ZNF479: variants seen among roughly 807,000 people sequenced by gnomAD.
ZNF479 encodes the protein zinc finger protein 479.
Under a neutral mutation model 14.7 loss-of-function variants are expected in ZNF479, and 15 were observed. The ratio of observed to expected loss-of-function variants is 1.02; its 90% CI spans 0.68 to 1.57. ZNF479 has a LOEUF of 1.57. Ranked by LOEUF, ZNF479 falls within the 40% of genes most tolerant of loss-of-function variation. The probability of loss-of-function intolerance (pLI) is 0.00; values close to 1 mark genes in which losing one functional copy is unlikely to be tolerated. For synonymous variants in ZNF479, 145 were observed against 211.5 expected, an observed-to-expected ratio of 0.69 and a Z score of 2.73; for missense variants, 506 against 615.1, an observed-to-expected ratio of 0.82 and a Z score of 1.88.
chr7:57,123,762 G>A (rs970506128), intron 3 of ZNF479, among the ~76,000 whole-genome samples: 2 of 152,090 alleles, frequency 1.3e-5, no homozygotes, highest in African/African-American at 4.8e-5. Context: ...GAGTCCAAGA[G>A]GTTGAGGCTG....
rs187872952 is a variant in ZNF479 at position 57,118,771 on chromosome 7, T to C, written c.*1069A>G. Among the ~76,000 whole-genome samples, 1 of 152,360 alleles carries C rather than the reference T, an allele frequency of 6.6e-6. No homozygotes were observed. Among genetic ancestry groups the C allele is most frequent in the East Asian group, 1.9e-4 (1 of 5,188 alleles). ...TTGTACAATTTTTCTCTAGTATAAA[T>C]GCTTTCCTGTACCATAAGGTGTGAG... On this transcript the variant is annotated 3_prime_UTR_variant, in exon 4 of 4. Coordinates refer to ENST00000319636, the MANE Select transcript of ZNF479 (RefSeq NM_001370129.2).
intron 3 of ZNF479, among the ~76,000 whole-genome samples, chr7:57,122,711 C>T (rs1786004569): frequency 6.6e-6 from 1 of 151,982 alleles, no homozygotes; most frequent in South Asian, 2.1e-4. Flanking sequence ...ACAGAATCTC[C>T]AATGTAGCAC....
intron 3 of ZNF479, among the ~76,000 whole-genome samples, chr7:57,123,786 T>C (rs1336368801): frequency 5.3e-5 from 8 of 152,046 alleles, no homozygotes; most frequent in African/African-American, 1.7e-4. Flanking sequence ...TGAGCCAAGA[T>C]TGTGCTACTG....
chr7:57,127,923 T>TTG (rs1786243892), intron 1 of ZNF479, among the ~76,000 whole-genome samples: 1 of 141,024 alleles, frequency 7.1e-6, no homozygotes. Context: ...TTTAATTTTA[T>TTG]TATATATATA....
At position 57,119,985 on chromosome 7, in the gene ZNF479, G is replaced by A. The variant is rs782572235; in HGVS notation, c.1430C>T (p.Ser477Phe). 43 of 1,613,738 alleles carry A rather than the reference G, an allele frequency of 2.7e-5. No homozygotes were observed. The Admixed American group carries it at 2.8e-4, about 11-fold the overall frequency. ...TCTCTTATGTTGCATAAGGGTTGAG[G>A]AGCAATTAAAGGCTTTGCCACATTC... is the stretch of plus-strand genomic sequence containing the variant. ...CEECGKAFNC[S>F]STLMQHKRIH... is the part of the protein sequence containing the mutation. Residue 477 changes from serine (S) to phenylalanine (F), a missense_variant, in exon 4 of 4, where the codon TCC (serine) becomes TTC (phenylalanine). Physicochemically the swap from Ser to Phe is radical, Grantham distance 155. Around this residue, in one of 3 missense-constraint regions of ZNF479, gnomAD observed 72 missense variants for 97.6 expected, o/e 0.74. Coordinates refer to ENST00000319636, the MANE Select transcript of ZNF479 (RefSeq NM_001370129.2).
At chr7:57,132,127 T>C (rs908943560) in intron 1 of ZNF479, among the ~76,000 whole-genome samples, 159 bp downstream of exon 1, 1 of 152,148 alleles carries the variant, frequency 6.6e-6, no homozygotes, top group Non-Finnish European at 1.5e-5. Flanking sequence ...AGGCACCATC[T>C]TGCGGCTGGA....
chr7:57,130,345 T>G (rs1258867856), intron 1 of ZNF479, among the ~76,000 whole-genome samples: 1 of 152,006 alleles, frequency 6.6e-6, no homozygotes, highest in African/African-American at 2.4e-5. Context: ...TGGTGGCACA[T>G]GCCTGTAATC....
At chr7:57,126,838 A>C in intron 1 of ZNF479, 120 bp from the exon 2 acceptor site, 1 of 794,608 alleles carries the variant, frequency 1.3e-6, no homozygotes, top group Non-Finnish European at 2.0e-6. Flanking sequence ...GTTCTCACTT[A>C]CAAGAGTGAC....
In ZNF479 at chr7:57,126,016, A is replaced by C; in HGVS notation, c.262+2T>G. 6.2e-7 allele frequency: 1 copy of C among 1,603,510 alleles called. No homozygotes were observed. On this transcript the variant is annotated splice_donor_variant, in intron 3 of 3. Coordinates refer to ENST00000319636, the MANE Select transcript of ZNF479 (RefSeq NM_001370129.2). LOFTEE classifies it high-confidence loss of function. ...TCATCTGCTTCATTCGCTCTCACCT[A>C]CCTGGGTGTTTGGCTACCATCTCAT...
At chr7:57,138,092 A>G (rs1017177603) in intron 1 of ZNF479, among the ~76,000 whole-genome samples, 3 of 152,144 alleles carry the variant, frequency 2.0e-5, no homozygotes, top group Non-Finnish European at 4.4e-5. Context: ...AAATATTGAC[A>G]TATTGCTGGC....
chr7:57,117,682 A>G lies in ZNF479; in HGVS notation c.*2158T>C, dbSNP rs1785747456. ...ATTAAGTTGACACATAATCTTTAAA[A>G]AATTTTTAAATTTATTGCATTTTAT... On this transcript the variant is annotated 3_prime_UTR_variant, in exon 4 of 4. Transcript: ENST00000319636. 6.6e-6 allele frequency among the ~76,000 whole-genome samples: 1 copy of G among 152,270 alleles called. No individual in the cohort carries two copies. Among genetic ancestry groups the G allele is most frequent in the South Asian group, 2.1e-4 (1 of 4,836 alleles).
At position 57,119,852 on chromosome 7, in the gene ZNF479, G is replaced by C; in HGVS notation, c.1563C>G (p.Tyr521Ter). 1 of 1,612,652 alleles carries C rather than the reference G, an allele frequency of 6.2e-7. No individual in the cohort carries two copies. The change falls in exon 4 of 4, where the codon TAC becomes TAG. Residue 521 changes from tyrosine (Y) to a stop codon, truncating the protein, a stop_gained. Transcript: ENST00000319636. LOFTEE classifies it high-confidence loss of function. ...HKIIHTGEKP[Y>*]KCE Reference sequence around the variant, plus strand: ...GGACTTTGCCATATTATTCACATTTGTAGGGTTTCTCTCCAGTGTGAATTA... The same window carrying C: ...GGACTTTGCCATATTATTCACATTTCTAGGGTTTCTCTCCAGTGTGAATTA...
At chr7:57,135,973 A>C (rs1016892104), upstream of ZNF479, among the ~76,000 whole-genome samples, 1,031 of 125,128 alleles carry the variant, frequency 8.2e-3, no homozygotes, top group African/African-American at 0.014. Flanking sequence ...CTCTCTCTCA[A>C]TCTCTCTCTC....
Position 57,126,085 on chromosome 7 carries a change from G to T in ZNF479, c.195C>A (p.Ile65=), listed in dbSNP as rs572625870. 9 of 1,602,856 alleles carry T rather than the reference G, an allele frequency of 5.6e-6. No individual in the cohort carries two copies. The Admixed American group carries it at 1.5e-4, about 27-fold the overall frequency. Residue 65 remains isoleucine (I), a synonymous_variant, in exon 3 of 4, where the codon ATC becomes ATA. Coordinates refer to ENST00000319636, the MANE Select transcript of ZNF479 (RefSeq NM_001370129.2). ...ACTCTTTATTTTGCTCCAGACAGGT[G>T]ATCAAGTCTGGCTTAGAGACAGCAA... ...LGIAVSKPDL[I]TCLEQNKESQ...
At chr7:57,125,066 C>G (rs1786098282) in intron 3 of ZNF479, among the ~76,000 whole-genome samples, 2 of 151,234 alleles carry the variant, frequency 1.3e-5, no homozygotes, top group African/African-American at 4.8e-5. Flanking sequence ...GAGTGAAACT[C>G]CGTCTCAAAA....
intron 3 of ZNF479, among the ~76,000 whole-genome samples, chr7:57,121,667 A>G (rs1363467491): frequency 6.6e-6 from 1 of 152,202 alleles, no homozygotes; most frequent in African/African-American, 2.4e-5. Context: ...GAATCCCAGA[A>G]TCTCTACCAA....
chr7:57,121,754 A>G (rs1785960099), intron 3 of ZNF479, among the ~76,000 whole-genome samples: 1 of 152,178 alleles, frequency 6.6e-6, no homozygotes. Flanking sequence ...GTTAGTGTCT[A>G]AATCTCAAAC....
chr7:57,121,552 T>C (rs1785950495), intron 3 of ZNF479, among the ~76,000 whole-genome samples: 1 of 152,172 alleles, frequency 6.6e-6, no homozygotes, highest in South Asian at 2.1e-4. Context: ...AGAAGATAGG[T>C]GTAGAACGTA....
chr7:57,127,471 G>T (rs1786224929), intron 1 of ZNF479: 1 of 851,152 alleles, frequency 1.2e-6, no homozygotes, highest in Non-Finnish European at 1.4e-6. Context: ...TTTGTTTCAG[G>T]AGATTTCCGA....
Sources: allele counts gnomAD v4.1 joint callset (sites outside exome capture counted in the v4.1 genomes callset), GRCh38; gene constraint gnomAD v4.1.1; regional missense constraint gnomAD v4.1.1; transcripts MANE v1.5; gene names NCBI Gene and HGNC (gene_info 2026-07-23, HGNC 2026-07-21).